TASP1: variants seen among roughly 807,000 people sequenced by gnomAD.
TASP1 encodes threonine aspartase 1.
A neutral mutation model predicts 56.6 loss-of-function variants in TASP1; 16 were observed. The observed-to-expected ratio is 0.28, with a 90% CI of 0.19 to 0.43. The LOEUF (loss-of-function observed/expected upper bound fraction) is 0.43, where lower values mean the gene tolerates loss of function less well. Ranked by LOEUF, TASP1 falls within the 20% of genes least tolerant of loss-of-function variation. The pLI is 1.00. For missense variants in TASP1, 393 were observed against 511.6 expected (o/e 0.77, Z 2.24); for synonymous variants, 179 against 184.2 (o/e 0.97, Z 0.23).
At chr20:13,456,054 A>G (rs895600223) in intron 11 of TASP1, among the ~76,000 whole-genome samples, 9 of 152,158 alleles carry the variant, frequency 5.9e-5, no homozygotes, top group Admixed American at 3.3e-4. Context: ...TCAAAGAACT[A>G]TAACAGCAGA....
chr20:13,298,586 TA>T, the TASP1 span, among the ~76,000 whole-genome samples: 6 of 152,166 alleles, frequency 3.9e-5, no homozygotes, highest in Non-Finnish European at 8.8e-5. Context: ...ATAAAACAAA[TA>T]TAATAATAGT....
intron 1 of TASP1, among the ~76,000 whole-genome samples, chr20:13,630,801 A>T (rs1261106899): frequency 6.6e-6 from 1 of 152,004 alleles, no homozygotes; most frequent in Non-Finnish European, 1.5e-5. Flanking sequence ...GTTACTCAGA[A>T]CACACTCTAC....
chr20:13,479,103 G>A (rs2043043763), intron 11 of TASP1, among the ~76,000 whole-genome samples: 2 of 152,134 alleles, frequency 1.3e-5, no homozygotes, highest in Admixed American at 1.3e-4. Context: ...GGAAAGGAGT[G>A]AGGGAAAGCC....
the TASP1 span, chr20:13,110,099 G>A: frequency 2.1e-5 from 33 of 1,563,266 alleles, no homozygotes; most frequent in Admixed American, 4.1e-5. Flanking sequence ...TTTTTTTTTG[G>A]TATTATTTAA....
At chr20:13,138,663 A>G in the TASP1 span, among the ~76,000 whole-genome samples, 1 of 152,222 alleles carries the variant, frequency 6.6e-6, no homozygotes, top group South Asian at 2.1e-4. Flanking sequence ...GGTTACTTAT[A>G]GAATTATTTT....
chr20:13,240,148 T>C, the TASP1 span, among the ~76,000 whole-genome samples: 1 of 152,242 alleles, frequency 6.6e-6, no homozygotes, highest in Admixed American at 6.5e-5. Flanking sequence ...ATTCCATTCA[T>C]TCATTCAGCA....
At chr20:13,437,596 A>T (rs1466067690) in intron 11 of TASP1, among the ~76,000 whole-genome samples, 2 of 152,240 alleles carry the variant, frequency 1.3e-5, no homozygotes, top group African/African-American at 4.8e-5. Flanking sequence ...ACATGATTGT[A>T]CATCTAGAAA....
chr20:13,327,970 CTA>C, the TASP1 span, among the ~76,000 whole-genome samples: 1 of 152,120 alleles, frequency 6.6e-6, no homozygotes, highest in African/African-American at 2.4e-5. Flanking sequence ...TCTAATTAAA[CTA>C]AAGAGCGACT....
At chr20:13,353,200 T>C in the TASP1 span, among the ~76,000 whole-genome samples, 1 of 150,358 alleles carries the variant, frequency 6.7e-6, no homozygotes, top group African/African-American at 2.5e-5. Context: ...GGCACTACTA[T>C]GCTCCAGCCT....
At chr20:13,627,596 C>A (rs995021005) in intron 2 of TASP1, among the ~76,000 whole-genome samples, 1 of 151,920 alleles carries the variant, frequency 6.6e-6, no homozygotes, top group Non-Finnish European at 1.5e-5. Context: ...ACTAAACATA[C>A]AAAAATTAGC....
At chr20:13,464,244 C>T (rs921799585) in intron 11 of TASP1, among the ~76,000 whole-genome samples, 1 of 152,036 alleles carries the variant, frequency 6.6e-6, no homozygotes, top group African/African-American at 2.4e-5. Context: ...GGCTCTAATC[C>T]AACATGGCTT....
chr20:13,479,515 T>G (rs1239256727), intron 11 of TASP1, among the ~76,000 whole-genome samples: 2 of 151,304 alleles, frequency 1.3e-5, no homozygotes, highest in East Asian at 1.9e-4. Flanking sequence ...CAGGCTGGAG[T>G]GCAGTAGCAC....
the TASP1 span, chr20:13,299,688 C>T: frequency 4.4e-6 from 2 of 458,910 alleles, no homozygotes; most frequent in Non-Finnish European, 7.7e-6. This position sits in a 1 kb window ranked among gnomAD's most constrained non-coding sequence, Gnocchi z 5.8. Context: ...CCCTGGGGAG[C>T]GATGTGGGCA....
intron 13 of TASP1, among the ~76,000 whole-genome samples, chr20:13,407,565 ATCTTT>A (rs1568758921): frequency 2.0e-5 from 3 of 152,154 alleles, no homozygotes. Context: ...ATGTGGACCT[ATCTTT>A]TCATTTTCTT....
chr20:13,349,551 G>A, the TASP1 span, among the ~76,000 whole-genome samples: 11 of 152,100 alleles, frequency 7.2e-5, no homozygotes, highest in African/African-American at 1.4e-4. Flanking sequence ...TTTTAATTCC[G>A]AAAGAAACAA....
At chr20:13,214,518 GGCACACACACACAC>G in the TASP1 span, among the ~76,000 whole-genome samples, 38 of 96,714 alleles carry the variant, frequency 3.9e-4, no homozygotes, top group Non-Finnish European at 6.4e-4. Context: ...TACAGAGACA[GGCACACACACACAC>G]ACACACACAC....
chr20:13,333,007 C>A, the TASP1 span, among the ~76,000 whole-genome samples: 1 of 152,240 alleles, frequency 6.6e-6, no homozygotes, highest in South Asian at 2.1e-4. Context: ...AGCAGACACA[C>A]AAATTCACAT....
At chr20:13,178,438 G>A in the TASP1 span, among the ~76,000 whole-genome samples, 1 of 152,062 alleles carries the variant, frequency 6.6e-6, no homozygotes. Context: ...ATACGGAAGA[G>A]ACATATGCAC....
intron 13 of TASP1, chr20:13,393,809 T>C (rs375937165): frequency 1.8e-5 from 10 of 557,384 alleles, no homozygotes; most frequent in East Asian, 1.2e-4. Context: ...GCAGACACCC[T>C]GAAGAGGGAG....
Sources: gnomAD v4.1 joint callset for allele counts (sites outside exome capture counted in the v4.1 genomes callset) on GRCh38, gnomAD v4.1.1 for gene constraint, Gnocchi (gnomAD v3.1) non-coding constraint, MANE v1.5 for transcripts, NCBI Gene and HGNC (gene_info 2026-07-23, HGNC 2026-07-21) for gene names.